The following CARMIL1 variants were observed in gnomAD, a reference collection of about 807,000 sequenced individuals.
The protein encoded by CARMIL1 is F-actin-uncapping protein LRRC16A.
Under a neutral mutation model 177.1 loss-of-function variants are expected in CARMIL1, and 90 were observed. The observed-to-expected ratio is 0.51, with a 90% CI of 0.43 to 0.61. CARMIL1 has a LOEUF of 0.61. CARMIL1 is among the 20% of genes least tolerant of loss of function. The pLI is 0.00. For synonymous variants in CARMIL1, 577 were observed against 606.2 expected (o/e 0.95, Z 0.71); for missense variants, 1,380 against 1,667.0 (o/e 0.83, Z 3.00).
At position 25,554,189 on chromosome 6, in the gene CARMIL1, G is replaced by C. The variant is rs1195001881; in HGVS notation, c.2592+93G>C. 2 of 879,534 alleles carry C rather than the reference G, an allele frequency of 2.3e-6. No homozygotes were observed. The highest frequency in any genetic ancestry group is 4.0e-5 in the Admixed American group (2 of 49,644). The allele number at this position is 879,534 out of a possible 1,614,324, so 54.5% of individuals were successfully genotyped here. On this transcript the variant is annotated intron_variant, in intron 28 of 36. Coordinates refer to ENST00000329474, the MANE Select transcript of CARMIL1 (RefSeq NM_017640.6). This position sits in a 1 kb window ranked among gnomAD's most constrained non-coding sequence, Gnocchi z 4.6. ...GGTGTGGGGATGTGATTTCTTTTCT[G>C]TATTTCACACTATTACAGCTTTATG...
intron 29 of CARMIL1, among the ~76,000 whole-genome samples, chr6:25,580,313 G>T (rs1453670016): frequency 6.6e-6 from 1 of 152,224 alleles, no homozygotes; most frequent in African/African-American, 2.4e-5. Context: ...TGCTAGGAAA[G>T]TGCTCTTCAG....
chr6:25,395,252 G>T (rs1793271270), intron 2 of CARMIL1, among the ~76,000 whole-genome samples: 1 of 152,192 alleles, frequency 6.6e-6, no homozygotes, highest in South Asian at 2.1e-4. Flanking sequence ...AAACATCCTG[G>T]AGAGGACGTA....
chr6:25,507,390 G>A (rs146774678), intron 17 of CARMIL1: 2,581 of 152,518 alleles, frequency 0.017, 54 homozygotes, highest in South Asian at 0.1. Flanking sequence ...TTTACATTTT[G>A]TATTGATAGA....
At chr6:25,427,441 C>T (rs1030993995) in intron 4 of CARMIL1, among the ~76,000 whole-genome samples, 4 of 152,062 alleles carry the variant, frequency 2.6e-5, no homozygotes, top group East Asian at 1.9e-4. Context: ...TATTACAGTT[C>T]GTTTATCCAT....
chr6:25,295,599 AC>A (rs1782318887), intron 2 of CARMIL1, among the ~76,000 whole-genome samples: 1 of 152,180 alleles, frequency 6.6e-6, no homozygotes, highest in East Asian at 1.9e-4. Flanking sequence ...ACAAGAGTCT[AC>A]TTGGCAGAAT....
chr6:25,290,762 C>A (rs1397438303), intron 2 of CARMIL1, among the ~76,000 whole-genome samples: 1 of 152,072 alleles, frequency 6.6e-6, no homozygotes. Context: ...CATTTGTTTT[C>A]TTTTGAAAAG....
chr6:25,405,349 T>A (rs114550235), intron 2 of CARMIL1, among the ~76,000 whole-genome samples: 1,697 of 152,312 alleles, frequency 0.011, 25 homozygotes, highest in African/African-American at 0.036. Context: ...ATATGGTGAT[T>A]TGTATACCTC....
chr6:25,351,839 G>A (rs1788131304), intron 2 of CARMIL1, among the ~76,000 whole-genome samples: 1 of 151,784 alleles, frequency 6.6e-6, no homozygotes, highest in Non-Finnish European at 1.5e-5. Context: ...CCAGTGTTAT[G>A]ATTATTATTC....
chr6:25,609,966 T>C lies in CARMIL1; in HGVS notation c.3848-84T>C. The C allele has an allele frequency of 2.2e-6, 3 of 1,384,058 alleles. No homozygotes were observed. The South Asian group carries it at 5.3e-5, about 25-fold the overall frequency. 85.7% of individuals were successfully genotyped at this position (1,384,058 alleles called of 1,614,324 possible). On this transcript the variant is annotated intron_variant, in intron 35 of 36. Coordinates refer to ENST00000329474, the MANE Select transcript of CARMIL1 (RefSeq NM_017640.6). ...ATGCTTTATTTTTTTAAATGACTTA[T>C]TTTTATATATAGATTTACCAGGCTT...
At chr6:25,427,376 C>G (rs981754204) in intron 4 of CARMIL1, among the ~76,000 whole-genome samples, 4 of 152,064 alleles carry the variant, frequency 2.6e-5, no homozygotes, top group African/African-American at 7.2e-5. Context: ...TACTTTGTTG[C>G]ATGTCTCAAT....
chr6:25,337,216 T>C (rs1786345254), intron 2 of CARMIL1, among the ~76,000 whole-genome samples: 1 of 152,196 alleles, frequency 6.6e-6, no homozygotes, highest in Admixed American at 6.5e-5. Flanking sequence ...AGTTAATAAG[T>C]ATCTTATTGC....
At chr6:25,534,571 A>G (rs1384309917) in intron 24 of CARMIL1, among the ~76,000 whole-genome samples, 3 of 152,166 alleles carry the variant, frequency 2.0e-5, no homozygotes, top group African/African-American at 7.2e-5. Flanking sequence ...CCTCCTTTGG[A>G]TAAAATTTTT....
intron 32 of CARMIL1, 26 bp from the exon 33 acceptor site, chr6:25,600,288 G>A (rs763426572): frequency 6.3e-7 from 1 of 1,578,528 alleles, no homozygotes; most frequent in South Asian, 1.2e-5. Flanking sequence ...AAAAACAACA[G>A]ATCTGTGTCT....
intron 2 of CARMIL1, among the ~76,000 whole-genome samples, chr6:25,403,089 T>A (rs1794029630): frequency 6.6e-6 from 1 of 151,744 alleles, no homozygotes; most frequent in Admixed American, 6.6e-5. Context: ...GAGTTTTTTT[T>A]TTTTTTTTTT....
chr6:25,414,469 A>G (rs796707723), intron 2 of CARMIL1, among the ~76,000 whole-genome samples: 25 of 152,292 alleles, frequency 1.6e-4, no homozygotes, highest in African/African-American at 5.8e-4. Flanking sequence ...GTCCTGTGCA[A>G]CTGCCCCTGA....
At position 25,581,479 on chromosome 6, in the gene CARMIL1, C is replaced by A. The variant is rs766862121; in HGVS notation, c.3006+40C>A. 3 of 1,530,480 alleles carry A rather than the reference C, an allele frequency of 2.0e-6. No individual in the cohort carries two copies. The East Asian group carries it at 7.1e-5, about 36-fold the overall frequency. The allele number at this position is 1,530,480 out of a possible 1,614,324, so 94.8% of individuals were successfully genotyped here. On this transcript the variant is annotated intron_variant, in intron 31 of 36. Transcript: ENST00000329474. ...GGAGAGGCCCCATCTCTCCCACACCCTTTTCTTCTCTGGGGAAAGTTGGAG... is the reference window on the plus strand; with the variant it reads ...GGAGAGGCCCCATCTCTCCCACACCATTTTCTTCTCTGGGGAAAGTTGGAG...
Position 25,537,849 on chromosome 6 carries a change from G to A in CARMIL1, c.2068-6G>A. 6.2e-7 allele frequency: 1 copy of A among 1,610,480 alleles called. No individual in the cohort carries two copies. Among genetic ancestry groups the A allele is most frequent in the Non-Finnish European group, 8.5e-7 (1 of 1,178,658 alleles). ...TGGATGCTTGCCTTTTTCTGGTTTG[G>A]AGCAGATGATTGACAGAATATGTGT... On this transcript the variant is annotated splice_region_variant and splice_polypyrimidine_tract_variant and intron_variant, in intron 24 of 36. Transcript: ENST00000329474.
intron 2 of CARMIL1, among the ~76,000 whole-genome samples, chr6:25,411,882 G>T (rs530880205): frequency 2.0e-5 from 3 of 152,306 alleles, no homozygotes; most frequent in African/African-American, 7.2e-5. Context: ...CCGGGGGCTT[G>T]TCATTCCTAG....
rs115474147 is a variant in CARMIL1 at position 25,554,595 on chromosome 6, T to C, written c.2592+499T>C. ...TAACCAAGGTAAAAAAAAAATTTCT[T>C]CATCTAGAGACTGGTTCTGCCTCAA... On this transcript the variant is annotated intron_variant, in intron 28 of 36. Transcript: ENST00000329474. The surrounding 1 kb of genome is among the most constrained non-coding windows in gnomAD (Gnocchi z 4.6). 1.4e-4 allele frequency among the ~76,000 whole-genome samples: 21 copies of C among 152,264 alleles called. No individual in the cohort carries two copies. Among genetic ancestry groups the C allele is most frequent in the African/African-American group, 5.1e-4 (21 of 41,554 alleles).
Sources: gnomAD v4.1 joint callset for allele counts (sites outside exome capture counted in the v4.1 genomes callset) on GRCh38, gnomAD v4.1.1 for gene constraint, Gnocchi (gnomAD v3.1) non-coding constraint, MANE v1.5 for transcripts, NCBI Gene and HGNC (gene_info 2026-07-23, HGNC 2026-07-21) for gene names.